XPO1: variants seen among roughly 807,000 people sequenced by gnomAD.
XPO1 encodes the protein exportin-1.
XPO1 carries 5 observed loss-of-function variants against 133.3 expected under a neutral mutation model. The ratio of observed to expected loss-of-function variants is 0.04; its 90% CI spans 0.02 to 0.08. XPO1 has a LOEUF of 0.08. Ranked by LOEUF, XPO1 falls within the 10% of genes least tolerant of loss-of-function variation. The pLI, the probability that XPO1 is intolerant of heterozygous loss-of-function variation, is 1.00. For synonymous variants in XPO1, 419 were observed against 408.2 expected (o/e 1.03, Z -0.32); for missense variants, 506 against 1,267.5 (o/e 0.40, Z 9.12).
At chr2:61,525,137 T>C in intron 3 of XPO1, 2 of 330,174 alleles carry the variant, frequency 6.1e-6, no homozygotes, top group Non-Finnish European at 8.7e-6. Context: ...AAATGATCCC[T>C]ATGGTAGAAA....
At chr2:61,500,457 T>A (rs1697449886) in intron 6 of XPO1, among the ~76,000 whole-genome samples, 1 of 151,210 alleles carries the variant, frequency 6.6e-6, no homozygotes, top group Admixed American at 6.6e-5. Flanking sequence ...CGTGTGCCTG[T>A]GATCCCAGCT....
At chr2:61,494,876 C>G (rs1211899302) in intron 11 of XPO1, 1 of 151,474 alleles carries the variant, frequency 6.6e-6, no homozygotes, top group Non-Finnish European at 1.5e-5. Context: ...GAGTCTTGCT[C>G]TGTCACTCAG....
chr2:61,514,593 TAAAA>T (rs562982187), intron 4 of XPO1, among the ~76,000 whole-genome samples: 2 of 125,852 alleles, frequency 1.6e-5, no homozygotes, highest in East Asian at 4.6e-4. Flanking sequence ...ACTCTGTCTT[TAAAA>T]AAAAAAAAAA....
intron 4 of XPO1, among the ~76,000 whole-genome samples, chr2:61,511,318 G>A (rs996780375): frequency 1.3e-5 from 2 of 152,080 alleles, no homozygotes; most frequent in African/African-American, 4.8e-5. Flanking sequence ...GTAGAGATGG[G>A]GTTTCACCAT....
intron 12 of XPO1, 45 bp from the exon 13 acceptor site, chr2:61,493,098 C>G (rs766464345): frequency 3.3e-5 from 50 of 1,522,830 alleles, no homozygotes; most frequent in Non-Finnish European, 4.3e-5. Context: ...CGTTAGATCA[C>G]TGAAATCATT....
rs182617234 is a variant in XPO1, at chr2:61,491,201, G to T, written c.1888-425C>A. Among the ~76,000 whole-genome samples, 741 of 151,150 alleles carry T rather than the reference G, an allele frequency of 4.9e-3. 5 individuals are homozygous for T. The highest frequency in any genetic ancestry group is 8.2e-3 in the South Asian group (39 of 4,754). ...CTGGCCAGGCATGGTGGTGGCTCACGCCTGTAATCCCAGCACTTTGGGAGG... is the reference window on the plus strand; with the variant it reads ...CTGGCCAGGCATGGTGGTGGCTCACTCCTGTAATCCCAGCACTTTGGGAGG... On this transcript the variant is annotated intron_variant, in intron 16 of 24. Transcript: ENST00000401558.
chr2:61,531,089 T>C (rs1699135020), intron 2 of XPO1, among the ~76,000 whole-genome samples: 2 of 152,210 alleles, frequency 1.3e-5, no homozygotes, highest in Admixed American at 6.5e-5. Context: ...TTTTCCACTA[T>C]AGCAGCTCGC....
intron 24 of XPO1, among the ~76,000 whole-genome samples, chr2:61,479,989 C>T (rs1203042523): frequency 3.9e-5 from 6 of 152,064 alleles, no homozygotes; most frequent in Non-Finnish European, 5.9e-5. Flanking sequence ...CTCTGCCTCC[C>T]GAGTAGCTGG....
At chr2:61,485,708 TTTC>T in intron 20 of XPO1, 57 bp downstream of exon 20, 1 of 1,384,954 alleles carries the variant, frequency 7.2e-7, no homozygotes, top group South Asian at 1.4e-5. Context: ...ATACTTTAGC[TTTC>T]AAGAATTAAG....
intron 9 of XPO1, among the ~76,000 whole-genome samples, chr2:61,497,973 T>C (rs1697326772): frequency 6.6e-6 from 1 of 152,244 alleles, no homozygotes; most frequent in Non-Finnish European, 1.5e-5. Context: ...AACTACGAAG[T>C]TGAAGAGGTC....
chr2:61,529,150 G>A (rs1206694392), intron 2 of XPO1, among the ~76,000 whole-genome samples: 2 of 152,118 alleles, frequency 1.3e-5, no homozygotes, highest in African/African-American at 4.8e-5. Context: ...TCAAGCCATT[G>A]TGCTCCAGCC....
chr2:61,538,432 C>A, upstream of XPO1: 1 of 153,194 alleles, frequency 6.5e-6, no homozygotes, highest in Non-Finnish European at 1.5e-5. Context: ...CTCTCATTGG[C>A]CCGAGCGCCA....
intron 3 of XPO1, among the ~76,000 whole-genome samples, chr2:61,523,038 G>A (rs1465742566): frequency 6.6e-6 from 1 of 152,194 alleles, no homozygotes. Context: ...ATAGGCTCAC[G>A]TACTTTAACA....
chr2:61,502,180 A>G lies in XPO1; in HGVS notation c.363+69T>C, dbSNP rs1046729084. On this transcript the variant is annotated intron_variant, in intron 5 of 24. Coordinates refer to ENST00000401558, the MANE Select transcript of XPO1 (RefSeq NM_003400.4). ...TGTGACTATGTGTCTTGACAGAATT[A>G]GGTTGTAGTCAGACTCAATATCTAA... is the stretch of plus-strand genomic sequence containing the variant. 3 of 1,561,414 alleles carry G rather than the reference A, an allele frequency of 1.9e-6. No individual in the cohort carries two copies. In the African/African-American group the frequency reaches 4.1e-5, roughly 21 times the overall value.
intron 4 of XPO1, among the ~76,000 whole-genome samples, chr2:61,515,836 C>A (rs1182575311): frequency 6.6e-6 from 1 of 150,916 alleles, no homozygotes; most frequent in African/African-American, 2.4e-5. Flanking sequence ...GTAATCCCAG[C>A]ACTTTGGGAG....
At chr2:61,490,478 C>T (rs1431584490) in intron 17 of XPO1, among the ~76,000 whole-genome samples, 164 bp downstream of exon 17, 7 of 152,154 alleles carry the variant, frequency 4.6e-5, no homozygotes, top group African/African-American at 1.4e-4. Flanking sequence ...GGATTACAGG[C>T]GTGAGCCACC....
chr2:61,530,384 G>GT (rs1350448644), intron 2 of XPO1, among the ~76,000 whole-genome samples: 1 of 151,640 alleles, frequency 6.6e-6, no homozygotes, highest in Non-Finnish European at 1.5e-5. Flanking sequence ...CCCAGCAGGG[G>GT]TTTAAAAAAA....
Position 61,496,957 on chromosome 2 carries a change from C to T in XPO1, c.810G>A (p.Glu270=), listed in dbSNP as rs753585997. ...ATTGGCTTACACTCACACCAGCAAT[C>T]TCAGTGAGGCACTTCAGAGAGACAT... The part of the protein sequence containing the change: ...FRNVSLKCLT[E]IAGVSVSQYE... The change falls in exon 10 of 25, where the codon GAG becomes GAA. Residue 270 remains glutamate, a synonymous_variant. Coordinates refer to ENST00000401558, the MANE Select transcript of XPO1 (RefSeq NM_003400.4). 1.9e-6 allele frequency: 3 copies of T among 1,613,496 alleles called. No individual in the cohort carries two copies. The highest frequency in any genetic ancestry group is 2.5e-6 in the Non-Finnish European group (3 of 1,179,816).
intron 4 of XPO1, among the ~76,000 whole-genome samples, chr2:61,518,692 GC>G (rs1331199009): frequency 6.6e-6 from 1 of 152,012 alleles, no homozygotes; most frequent in East Asian, 1.9e-4. Context: ...ATATCAAGGA[GC>G]TTATAGTTTG....
Sources: allele counts gnomAD v4.1 joint callset (sites outside exome capture counted in the v4.1 genomes callset), GRCh38; gene constraint gnomAD v4.1.1; transcripts MANE v1.5; gene names NCBI Gene and HGNC (gene_info 2026-07-23, HGNC 2026-07-21).